Variants in MAPK4 observed in about 807,000 individuals in gnomAD.
MAPK4 encodes the protein mitogen-activated protein kinase 4.
A neutral mutation model predicts 47.7 loss-of-function variants in MAPK4; 22 were observed. The ratio of observed to expected loss-of-function variants is 0.46; its 90% confidence interval spans 0.33 to 0.66. The LOEUF (loss-of-function observed/expected upper bound fraction) is 0.66. Among genes scored for constraint, MAPK4 ranks in the 30% least tolerant of loss-of-function variants. The pLI is 0.02. For synonymous variants in MAPK4, 390 were observed against 365.7 expected (o/e 1.07, Z -0.76); for missense variants, 736 against 831.7 (o/e 0.88, Z 1.42).
At chr18:50,679,305 C>G (rs1908449327) in intron 2 of MAPK4, among the ~76,000 whole-genome samples, 1 of 152,232 alleles carries the variant, frequency 6.6e-6, no homozygotes, top group African/African-American at 2.4e-5. Context: ...TTGTCCCCAG[C>G]TGCCCTTCCA....
intron 1 of MAPK4, among the ~76,000 whole-genome samples, chr18:50,624,174 A>G (rs1467342432): frequency 6.6e-6 from 1 of 152,232 alleles, no homozygotes; most frequent in Admixed American, 6.5e-5. Flanking sequence ...CCTGTTTACT[A>G]GTTTATGGCT....
intron 1 of MAPK4, among the ~76,000 whole-genome samples, chr18:50,660,426 C>T (rs1277628650): frequency 6.6e-6 from 1 of 152,194 alleles, no homozygotes; most frequent in Non-Finnish European, 1.5e-5. Context: ...ACAGTGACCA[C>T]CTAGGAAACG....
At chr18:50,589,076 G>A (rs1468523845) in intron 1 of MAPK4, among the ~76,000 whole-genome samples, 1 of 152,192 alleles carries the variant, frequency 6.6e-6, no homozygotes, top group Non-Finnish European at 1.5e-5. Flanking sequence ...TTCAGGAATA[G>A]CAAGTTCAAT....
chr18:50,703,165 C>G (rs183532055), intron 2 of MAPK4, among the ~76,000 whole-genome samples: 2 of 152,292 alleles, frequency 1.3e-5, no homozygotes, highest in Admixed American at 1.3e-4. Flanking sequence ...GACCTTTCTG[C>G]TGCCCTCCTC....
chr18:50,664,189 C>T lies in MAPK4; in HGVS notation c.231C>T (p.Ile77=), dbSNP rs1907458723. The T allele has an allele frequency of 8.7e-6, 14 of 1,614,098 alleles. No homozygotes were observed. The highest frequency in any genetic ancestry group is 3.3e-5 in the South Asian group (3 of 91,070). The change falls in exon 2 of 6, where the codon ATC becomes ATT. Residue 77 remains isoleucine, a synonymous_variant. Transcript: ENST00000400384. This position sits in a 1 kb window ranked among gnomAD's most constrained non-coding sequence, Gnocchi z 6.0. ...KIIRRLDHDN[I]VKVYEVLGPK... ...TTCGGCGCCTGGACCACGACAACAT[C>T]GTCAAAGTGTACGAGGTGCTCGGTC...
intron 1 of MAPK4, among the ~76,000 whole-genome samples, chr18:50,567,445 G>C (rs2042208563): frequency 6.6e-6 from 1 of 152,174 alleles, no homozygotes; most frequent in Admixed American, 6.5e-5. Flanking sequence ...CTTTGTGTCT[G>C]TGCTTTTTCT....
intron 1 of MAPK4, among the ~76,000 whole-genome samples, chr18:50,602,003 T>G (rs1272590650): frequency 6.6e-6 from 1 of 152,236 alleles, no homozygotes; most frequent in African/African-American, 2.4e-5. Flanking sequence ...AGTAAATTTC[T>G]TTTTTCTCTC....
intron 2 of MAPK4, among the ~76,000 whole-genome samples, chr18:50,706,458 T>G (rs1466624937): frequency 8.8e-6 from 1 of 113,560 alleles, no homozygotes; most frequent in Admixed American, 1.1e-4. Context: ...TGAACGTCAG[T>G]TTTTTTTTTT....
chr18:50,653,200 A>T (rs1031245727), intron 1 of MAPK4, among the ~76,000 whole-genome samples: 7 of 152,040 alleles, frequency 4.6e-5, no homozygotes, highest in Non-Finnish European at 7.4e-5. Flanking sequence ...AAAAAATAAA[A>T]AAAAAAAAGA....
At chr18:50,572,882 G>A (rs1346182258) in intron 1 of MAPK4, among the ~76,000 whole-genome samples, 2 of 152,096 alleles carry the variant, frequency 1.3e-5, no homozygotes, top group African/African-American at 2.4e-5. Flanking sequence ...CAAAAGCAAC[G>A]TCAGATTTCA....
chr18:50,659,905 G>A (rs1461053227), intron 1 of MAPK4, among the ~76,000 whole-genome samples: 1 of 152,182 alleles, frequency 6.6e-6, no homozygotes, highest in Non-Finnish European at 1.5e-5. Flanking sequence ...AGCTGAGAAT[G>A]GTTGGGCTTT....
chr18:50,624,389 A>G (rs1188778654), intron 1 of MAPK4, among the ~76,000 whole-genome samples: 1 of 152,238 alleles, frequency 6.6e-6, no homozygotes, highest in Non-Finnish European at 1.5e-5. Context: ...TGGTTCCAGA[A>G]GAGTAAAGGA....
chr18:50,641,467 T>C (rs984973534), intron 1 of MAPK4, among the ~76,000 whole-genome samples: 1 of 152,210 alleles, frequency 6.6e-6, no homozygotes, highest in African/African-American at 2.4e-5. Context: ...GTTCTATAGA[T>C]GTTCGATTTG....
At chr18:50,651,629 A>T (rs1231248030) in intron 1 of MAPK4, among the ~76,000 whole-genome samples, 1 of 152,250 alleles carries the variant, frequency 6.6e-6, no homozygotes, top group Non-Finnish European at 1.5e-5. Context: ...AGGCACCCAC[A>T]GAGGAGGGCA....
intron 1 of MAPK4, among the ~76,000 whole-genome samples, chr18:50,620,438 A>G (rs961983424): frequency 2.0e-5 from 3 of 152,248 alleles, no homozygotes; most frequent in African/African-American, 4.8e-5. Flanking sequence ...CTGACGCAGA[A>G]TCTGCCTGTT....
At chr18:50,560,500 C>G (rs890452327) in intron 1 of MAPK4, 8 of 152,456 alleles carry the variant, frequency 5.2e-5, no homozygotes, top group African/African-American at 1.9e-4. Flanking sequence ...CTGTCCTGGA[C>G]CCGTTTGGGA....
At chr18:50,714,769 A>G (rs1451012030) in intron 2 of MAPK4, among the ~76,000 whole-genome samples, 1 of 152,226 alleles carries the variant, frequency 6.6e-6, no homozygotes, top group Non-Finnish European at 1.5e-5. Flanking sequence ...AGACAAGGGC[A>G]GAGTTACATC....
chr18:50,564,215 A>G (rs2042178911), intron 1 of MAPK4, among the ~76,000 whole-genome samples: 1 of 152,210 alleles, frequency 6.6e-6, no homozygotes, highest in South Asian at 2.1e-4. Flanking sequence ...TTAAAGCTTT[A>G]TCGTTTGCAG....
chr18:50,600,333 G>A (rs571208710), intron 1 of MAPK4, among the ~76,000 whole-genome samples: 1 of 152,230 alleles, frequency 6.6e-6, no homozygotes, highest in African/African-American at 2.4e-5. Context: ...GCATCTCAGG[G>A]GAAACTAACC....
Sources: gnomAD v4.1 joint callset for allele counts (sites outside exome capture counted in the v4.1 genomes callset) on GRCh38, gnomAD v4.1.1 for gene constraint, Gnocchi (gnomAD v3.1) non-coding constraint, MANE v1.5 for transcripts, NCBI Gene and HGNC (gene_info 2026-07-23, HGNC 2026-07-21) for gene names.